Variants in SNX9 observed in about 807,000 individuals in gnomAD.
SNX9 encodes the protein sorting nexin-9.
SNX9 carries 44 observed loss-of-function variants against 89.4 expected under a neutral mutation model. That is an observed-to-expected ratio of 0.49 (90% CI 0.39 to 0.63). The LOEUF (loss-of-function observed/expected upper bound fraction) is 0.63, where lower values mean the gene tolerates loss of function less well. Among genes scored for constraint, SNX9 ranks in the 30% least tolerant of loss-of-function variants. SNX9 has a pLI of 0.00. For synonymous variants in SNX9, 236 were observed against 247.8 expected, an observed-to-expected ratio of 0.95 and a Z score of 0.45; for missense variants, 578 against 736.1, an observed-to-expected ratio of 0.79 and a Z score of 2.49.
At chr6:157,910,267 A>G (rs1783311238) in intron 9 of SNX9, among the ~76,000 whole-genome samples, 1 of 152,252 alleles carries the variant, frequency 6.6e-6, no homozygotes, top group African/African-American at 2.4e-5. Flanking sequence ...ATGTGTCTGG[A>G]ATTCCAGCAG....
intron 4 of SNX9, 90 bp from the exon 5 acceptor site, chr6:157,896,737 G>T (rs1339101341): frequency 4.4e-6 from 6 of 1,377,126 alleles, no homozygotes; most frequent in Non-Finnish European, 6.1e-6. Flanking sequence ...TAGTACTCCT[G>T]TTGTATTCAA....
At chr6:157,924,317 G>A (rs1186025779) in intron 10 of SNX9, 3 of 152,118 alleles carry the variant, frequency 2.0e-5, no homozygotes, top group African/African-American at 7.2e-5. Flanking sequence ...GCACCTCCCG[G>A]GGAGCAGTGG....
chr6:157,889,885 G>A (rs886536175), intron 4 of SNX9, among the ~76,000 whole-genome samples: 7 of 152,282 alleles, frequency 4.6e-5, no homozygotes, highest in Non-Finnish European at 1.0e-4. Context: ...AACCTCTACT[G>A]AATGCATACT....
chr6:157,905,856 C>T (rs1783204678), intron 6 of SNX9, among the ~76,000 whole-genome samples: 3 of 152,162 alleles, frequency 2.0e-5, no homozygotes, highest in Admixed American at 6.5e-5. Context: ...CTGGGGTGAC[C>T]GAATGTTTCA....
chr6:157,882,875 A>G (rs918069799), intron 4 of SNX9, among the ~76,000 whole-genome samples: 5 of 152,238 alleles, frequency 3.3e-5, no homozygotes, highest in Admixed American at 3.3e-4. Context: ...ATGATTTAGA[A>G]TATTCCATAA....
chr6:157,842,793 A>G (rs1288785298), intron 1 of SNX9, among the ~76,000 whole-genome samples: 1 of 152,132 alleles, frequency 6.6e-6, no homozygotes, highest in Non-Finnish European at 1.5e-5. Flanking sequence ...TACAATAGTG[A>G]TGTTATCCCC....
At position 157,940,990 on chromosome 6, in the gene SNX9, C is replaced by T. The variant is rs370517413; in HGVS notation, c.1740+16C>T. ...TTACGAAACGGTGAGTGGGCGTCCA[C>T]GTGCCTTTCGCATGTGCTTGAGGAG... On this transcript the variant is annotated intron_variant, in intron 17 of 17. Coordinates refer to ENST00000392185, the MANE Select transcript of SNX9 (RefSeq NM_016224.5). 1.1e-5 allele frequency: 18 copies of T among 1,610,470 alleles called. 1 individual carries two copies. The African/African-American group carries it at 1.2e-4, about 11-fold the overall frequency.
chr6:157,883,606 A>G (rs73792155), intron 4 of SNX9, among the ~76,000 whole-genome samples: 4,542 of 152,290 alleles, frequency 0.03, 248 homozygotes, highest in African/African-American at 0.1. Context: ...GTGGCTACCC[A>G]TCATCACCTT....
chr6:157,878,431 A>ATT (rs1341249074), intron 4 of SNX9, among the ~76,000 whole-genome samples: 24 of 131,342 alleles, frequency 1.8e-4, no homozygotes, highest in East Asian at 1.5e-3. Flanking sequence ...GAAGCCCACC[A>ATT]TTTTTTTTTT....
intron 1 of SNX9, among the ~76,000 whole-genome samples, chr6:157,848,525 A>C (rs571335285): frequency 1.6e-4 from 24 of 152,384 alleles, no homozygotes; most frequent in Non-Finnish European, 2.9e-4. Context: ...TAGCTGGGGC[A>C]GTAAACCTAG....
chr6:157,943,809 CT>C lies in SNX9; in HGVS notation c.*972del, dbSNP rs1784091275. The stretch of plus-strand genomic sequence containing the variant: ...TCATCCACCGTGATGAGAAGCGCTG[CT>C]GTGGCCACGGCACACTGCTTGGCTT... On this transcript the variant is annotated 3_prime_UTR_variant, in exon 18 of 18. Coordinates refer to ENST00000392185, the MANE Select transcript of SNX9 (RefSeq NM_016224.5). The C allele has an allele frequency of 6.6e-6, 1 of 152,230 alleles. No individual in the cohort carries two copies. Among genetic ancestry groups the C allele is most frequent in the South Asian group, 2.1e-4 (1 of 4,818 alleles). 9.4% of individuals were successfully genotyped at this position (152,230 alleles called of 1,614,324 possible). A position where few individuals can be genotyped will look rare whatever the true frequency, so the allele number is the denominator to read the frequency against.
chr6:157,837,448 C>T (rs1781608724), intron 1 of SNX9, among the ~76,000 whole-genome samples: 1 of 152,126 alleles, frequency 6.6e-6, no homozygotes. Context: ...AGAGAAGAAT[C>T]CTGTTCTTAA....
chr6:157,844,305 A>G (rs577448695), intron 1 of SNX9, among the ~76,000 whole-genome samples: 6 of 152,252 alleles, frequency 3.9e-5, no homozygotes, highest in African/African-American at 1.4e-4. Flanking sequence ...TTTAAGGACA[A>G]TTTGGTGGGT....
At chr6:157,871,556 A>G (rs1782412449) in intron 2 of SNX9, among the ~76,000 whole-genome samples, 1 of 152,134 alleles carries the variant, frequency 6.6e-6, no homozygotes, top group Admixed American at 6.5e-5. Context: ...GAGGGATAGC[A>G]TTAGGAGAAA....
chr6:157,856,091 G>A (rs9355410), intron 1 of SNX9, among the ~76,000 whole-genome samples: 7,678 of 152,166 alleles, frequency 0.05, 219 homozygotes, highest in East Asian at 0.11. Flanking sequence ...GTTGCCAGGC[G>A]GGTATGTTTT....
At position 157,898,119 on chromosome 6, in the gene SNX9, G is replaced by A. The variant is rs145014610; in HGVS notation, c.472+1121G>A. Among the ~76,000 whole-genome samples the A allele has an allele frequency of 5.9e-3, 893 of 152,318 alleles. 5 individuals carry two copies. The highest frequency in any genetic ancestry group is 0.02 in the African/African-American group (814 of 41,562). On this transcript the variant is annotated intron_variant, in intron 5 of 17. Transcript: ENST00000392185. ...GAGCTCTGTGCCGGGAACTAGGGACGCAGACCAGATGGCTATTTCTTACCT... is the reference window on the plus strand; with the variant it reads ...GAGCTCTGTGCCGGGAACTAGGGACACAGACCAGATGGCTATTTCTTACCT...
intron 13 of SNX9, among the ~76,000 whole-genome samples, chr6:157,932,892 AAAG>A (rs1298467919): frequency 3.5e-5 from 5 of 141,974 alleles, no homozygotes; most frequent in African/African-American, 1.4e-4. Flanking sequence ...AAAAAAAAAA[AAAG>A]CCAGATTTCA....
chr6:157,906,283 C>G, intron 7 of SNX9, 71 bp downstream of exon 7: 1 of 1,192,850 alleles, frequency 8.4e-7, no homozygotes, highest in Non-Finnish European at 1.2e-6. Flanking sequence ...TAAAGCTAAG[C>G]GAGTTATTCA....
chr6:157,917,066 A>G (rs1457961652), intron 9 of SNX9, among the ~76,000 whole-genome samples: 12 of 152,152 alleles, frequency 7.9e-5, no homozygotes, highest in Non-Finnish European at 1.5e-4. Context: ...TTAACTATGA[A>G]TTTAATTTCC....
Sources: allele counts gnomAD v4.1 joint callset (sites outside exome capture counted in the v4.1 genomes callset), GRCh38; gene constraint gnomAD v4.1.1; transcripts MANE v1.5; gene names NCBI Gene and HGNC (gene_info 2026-07-23, HGNC 2026-07-21).